The following BNC2 variants were observed in gnomAD, a reference collection of about 807,000 sequenced individuals.
BNC2 encodes the protein basonuclin zinc finger protein 2.
In BNC2, 20 loss-of-function variants were observed where a neutral mutation model predicts 76.3. The ratio of observed to expected loss-of-function variants is 0.26; its 90% CI spans 0.18 to 0.38. BNC2 has a LOEUF of 0.38. Ranked by LOEUF, BNC2 falls within the 10% of genes least tolerant of loss-of-function variation. The pLI is 1.00. For missense variants in BNC2, 1,382 were observed against 1,399.8 expected, an observed-to-expected ratio of 0.99 and a Z score of 0.20; for synonymous variants, 582 against 514.8, an observed-to-expected ratio of 1.13 and a Z score of -1.77.
chr9:16,442,367 T>C (rs1171265631), intron 5 of BNC2, among the ~76,000 whole-genome samples: 1 of 152,248 alleles, frequency 6.6e-6, no homozygotes, highest in Non-Finnish European at 1.5e-5. Context: ...AACTGGTGAT[T>C]ATCACTTGTA....
chr9:16,733,117 G>A lies in BNC2; in HGVS notation c.130-5120C>T, dbSNP rs994243649. Among the ~76,000 whole-genome samples the A allele has an allele frequency of 3.9e-5, 6 of 152,334 alleles. No individual in the cohort carries two copies. The Middle Eastern group carries it at 0.017, about 432-fold the overall frequency. ...CAGCAGGCTGGACTCAGTCACAGAA[G>A]TGGGGGAACCAACTAAGGAAATGTC... On this transcript the variant is annotated intron_variant, in intron 2 of 6. Coordinates refer to ENST00000380672, the MANE Select transcript of BNC2 (RefSeq NM_017637.6).
At chr9:16,659,433 C>T (rs1225133895) in intron 3 of BNC2, among the ~76,000 whole-genome samples, 1 of 151,884 alleles carries the variant, frequency 6.6e-6, no homozygotes, top group Non-Finnish European at 1.5e-5. Flanking sequence ...CATGGTGAAA[C>T]CCCATCTCTA....
intron 3 of BNC2, among the ~76,000 whole-genome samples, chr9:16,650,028 C>T (rs1194699053): frequency 6.6e-6 from 1 of 152,160 alleles, no homozygotes; most frequent in African/African-American, 2.4e-5. Flanking sequence ...TAAGCTTAGA[C>T]CTGCAGTCAG....
At chr9:16,776,193 G>A (rs1410917875) in intron 1 of BNC2, among the ~76,000 whole-genome samples, 3 of 136,516 alleles carry the variant, frequency 2.2e-5, no homozygotes, top group African/African-American at 9.7e-5. Context: ...AGGCTGGAGT[G>A]CAATGGAACC....
At chr9:16,659,922 G>C (rs879012986) in intron 3 of BNC2, among the ~76,000 whole-genome samples, 2 of 152,160 alleles carry the variant, frequency 1.3e-5, no homozygotes, top group Non-Finnish European at 1.5e-5. Flanking sequence ...AAGGGGAAAG[G>C]ACTTTGTTAC....
intron 3 of BNC2, among the ~76,000 whole-genome samples, chr9:16,620,564 A>C (rs1057338813): frequency 6.6e-6 from 1 of 152,176 alleles, no homozygotes; most frequent in African/African-American, 2.4e-5. Context: ...TACAGCATCA[A>C]AACAAAAGAT....
At chr9:16,494,850 G>C (rs1822353603) in intron 5 of BNC2, among the ~76,000 whole-genome samples, 2 of 152,114 alleles carry the variant, frequency 1.3e-5, no homozygotes, top group Non-Finnish European at 2.9e-5. Flanking sequence ...GGCTGGGGGA[G>C]GGATAGCATT....
At chr9:16,433,420 A>G (rs1236781019) in intron 6 of BNC2, among the ~76,000 whole-genome samples, 1 of 152,210 alleles carries the variant, frequency 6.6e-6, no homozygotes, top group Non-Finnish European at 1.5e-5. Flanking sequence ...GCTATCTTCT[A>G]TGTGACTGAA....
intron 3 of BNC2, chr9:16,685,698 C>T: frequency 9.1e-7 from 1 of 1,095,540 alleles, no homozygotes; most frequent in Non-Finnish European, 1.2e-6. Flanking sequence ...TCACACTTGA[C>T]CCAGGCAGAG....
chr9:16,651,253 C>A (rs1203271721), intron 3 of BNC2, among the ~76,000 whole-genome samples: 8 of 152,048 alleles, frequency 5.3e-5, no homozygotes. Context: ...ATGTATATTT[C>A]AAAATGAGAA....
intron 3 of BNC2, among the ~76,000 whole-genome samples, chr9:16,593,533 T>C (rs924475343): frequency 1.3e-5 from 2 of 151,466 alleles, no homozygotes; most frequent in African/African-American, 2.4e-5. Flanking sequence ...TTGGAGTGCG[T>C]GTGTGTGTGT....
intron 5 of BNC2, among the ~76,000 whole-genome samples, chr9:16,502,082 TG>T (rs945150335): frequency 6.6e-6 from 1 of 151,666 alleles, no homozygotes; most frequent in Non-Finnish European, 1.5e-5. Context: ...ATGGAAGGAG[TG>T]GGGGTCTAGT....
chr9:16,662,270 A>T (rs1822131060), intron 3 of BNC2, among the ~76,000 whole-genome samples: 1 of 152,196 alleles, frequency 6.6e-6, no homozygotes. Flanking sequence ...CAAAAAAGTA[A>T]ACACAACAAA....
Position 16,852,210 on chromosome 9 carries a change from T to C in BNC2, c.3+18436A>G, listed in dbSNP as rs115629303. On this transcript the variant is annotated intron_variant, in intron 1 of 6. Transcript: ENST00000380672. ...TTTTGACAGCACAATGTTCCCCTTA[T>C]ATATATATCATGCACACTATAAAAC... Among the ~76,000 whole-genome samples the C allele has an allele frequency of 5.1e-3, 772 of 152,216 alleles. 5 individuals carry two copies. Among genetic ancestry groups the C allele is most frequent in the African/African-American group, 0.018 (741 of 41,526 alleles).
At chr9:16,421,127 G>GCA (rs1820701456) in intron 6 of BNC2, 1 of 327,746 alleles carries the variant, frequency 3.1e-6, no homozygotes, top group Non-Finnish European at 5.3e-6. Context: ...ATGGTTGAGA[G>GCA]GTATGTGCCT....
At position 16,412,315 on chromosome 9, in the gene BNC2, G is replaced by A. The variant is rs1820478554; in HGVS notation, c.*6674C>T. 1 of 152,552 alleles carries A rather than the reference G, an allele frequency of 6.6e-6. No individual in the cohort carries two copies. The highest frequency in any genetic ancestry group is 2.1e-4 in the South Asian group (1 of 4,826). 9.4% of individuals were successfully genotyped at this position (152,552 alleles called of 1,614,324 possible). ...ATTTGTACACCTACGTCCATGGTTTGATGCCAAGGATAAGAAAAAAAAATG... is the reference window on the plus strand; with the variant it reads ...ATTTGTACACCTACGTCCATGGTTTAATGCCAAGGATAAGAAAAAAAAATG... On this transcript the variant is annotated 3_prime_UTR_variant, in exon 7 of 7. Transcript: ENST00000380672.
intron 1 of BNC2, among the ~76,000 whole-genome samples, chr9:16,854,687 C>T (rs1819209906): frequency 6.6e-6 from 1 of 151,856 alleles, no homozygotes; most frequent in Non-Finnish European, 1.5e-5. Context: ...GCATTAGATC[C>T]ATAAAAAACC....
Position 16,700,656 on chromosome 9 carries a change from T to C in BNC2, c.330+27141A>G, listed in dbSNP as rs1823483411. 2.0e-5 allele frequency among the ~76,000 whole-genome samples: 3 copies of C among 152,122 alleles called. 1 individual carries two copies. In the South Asian group the frequency reaches 6.2e-4, roughly 32 times the overall value. On this transcript the variant is annotated intron_variant, in intron 3 of 6. Coordinates refer to ENST00000380672, the MANE Select transcript of BNC2 (RefSeq NM_017637.6). Reference sequence around the variant, plus strand: ...ATTTACCCCACAGTCTTTCATAAGCTTTTAAAATTATACTGATTAGCAGTC... The same window carrying C: ...ATTTACCCCACAGTCTTTCATAAGCCTTTAAAATTATACTGATTAGCAGTC...
intron 3 of BNC2, among the ~76,000 whole-genome samples, chr9:16,722,827 T>C (rs1329388086): frequency 2.0e-5 from 3 of 152,190 alleles, no homozygotes; most frequent in Non-Finnish European, 4.4e-5. Context: ...GCATTACAAA[T>C]GAGACGGTAT....
Sources: gnomAD v4.1 joint callset for allele counts (sites outside exome capture counted in the v4.1 genomes callset) on GRCh38, gnomAD v4.1.1 for gene constraint, MANE v1.5 for transcripts, NCBI Gene and HGNC (gene_info 2026-07-23, HGNC 2026-07-21) for gene names.